Variants in IDE observed in about 807,000 individuals in gnomAD.
IDE encodes the protein insulin-degrading enzyme.
Under a neutral mutation model 133.2 loss-of-function variants are expected in IDE, and 58 were observed. The ratio of observed to expected loss-of-function variants is 0.44; its 90% CI spans 0.35 to 0.54. The LOEUF (loss-of-function observed/expected upper bound fraction) is 0.54, where lower values mean the gene tolerates loss of function less well. Among genes scored for constraint, IDE ranks in the 20% least tolerant of loss-of-function variants. The probability of loss-of-function intolerance (pLI) is 0.00; values close to 1 mark genes in which losing one functional copy is unlikely to be tolerated. For synonymous variants in IDE, 396 were observed against 421.3 expected (o/e 0.94, Z 0.73); for missense variants, 981 against 1,234.0 (o/e 0.79, Z 3.07).
chr10:92,462,541 G>A (rs969774682), intron 21 of IDE, among the ~76,000 whole-genome samples: 5 of 151,992 alleles, frequency 3.3e-5, no homozygotes, highest in Non-Finnish European at 7.4e-5. Flanking sequence ...GGGAGGTGGA[G>A]GTTGCGGTGA....
At position 92,474,854 on chromosome 10, in the gene IDE, T is replaced by A; in HGVS notation, c.2103A>T (p.Lys701Asn). Residue 701 changes from lysine (K) to asparagine (N), a missense_variant, in exon 17 of 25, where the codon AAA becomes AAT. Lys to Asn is a moderately conservative substitution (Grantham distance 94). This residue lies in a region of IDE where 660 missense variants were observed against 894.7 expected (regional missense o/e 0.74). Transcript: ENST00000265986. The part of the protein sequence containing the change: ...TEVAWTKDEL[K>N]EALDDVTLPR... ...AGAAAGTCTCACCATCCAGAGCTTC[T>A]TTTAACTCATCTTTAGTCCAGGCCA... 4 of 1,612,436 alleles carry A rather than the reference T, an allele frequency of 2.5e-6. No homozygotes were observed. The South Asian group carries it at 3.3e-5, about 13-fold the overall frequency.
intron 1 of IDE, among the ~76,000 whole-genome samples, chr10:92,550,036 C>T (rs78425284): frequency 6.6e-5 from 10 of 152,174 alleles, no homozygotes; most frequent in South Asian, 2.1e-4. Context: ...GGCATGGTGG[C>T]GCATACCTGC....
chr10:92,573,307 C>T (rs1589569365), intron 1 of IDE: 1 of 385,080 alleles, frequency 2.6e-6, no homozygotes, highest in Non-Finnish European at 3.6e-6. Context: ...CGACGTAAAA[C>T]AAGGGAGCTG....
intron 11 of IDE, among the ~76,000 whole-genome samples, chr10:92,498,682 G>A (rs1405175562): frequency 3.3e-5 from 5 of 152,308 alleles, no homozygotes; most frequent in African/African-American, 4.8e-5. Context: ...GTCTGAACCC[G>A]GGAGGCGGAG....
chr10:92,544,635 T>C (rs1371476309), intron 1 of IDE, among the ~76,000 whole-genome samples: 2 of 152,188 alleles, frequency 1.3e-5, no homozygotes, highest in African/African-American at 4.8e-5. Flanking sequence ...CCTAGCCCCA[T>C]TCTTCTTCCC....
intron 21 of IDE, among the ~76,000 whole-genome samples, chr10:92,462,830 C>G (rs1445365845): frequency 2.6e-5 from 4 of 152,198 alleles, no homozygotes; most frequent in Non-Finnish European, 5.9e-5. Context: ...GACAATAACA[C>G]TGCTAGGTAC....
intron 1 of IDE, among the ~76,000 whole-genome samples, chr10:92,542,523 C>T (rs1015373032): frequency 1.3e-5 from 2 of 152,130 alleles, no homozygotes; most frequent in Non-Finnish European, 1.5e-5. Flanking sequence ...AACTCCTGGG[C>T]GCAAGAGACT....
intron 1 of IDE, among the ~76,000 whole-genome samples, chr10:92,556,723 A>G (rs1311218402): frequency 6.6e-6 from 1 of 152,074 alleles, no homozygotes; most frequent in Non-Finnish European, 1.5e-5. Context: ...GCGCCACTGC[A>G]CTCCAGCCTG....
At chr10:92,486,621 T>G (rs1847015318) in intron 13 of IDE, among the ~76,000 whole-genome samples, 1 of 152,170 alleles carries the variant, frequency 6.6e-6, no homozygotes, top group Non-Finnish European at 1.5e-5. Context: ...AATAATTTGA[T>G]ACAATTTTTT....
intron 1 of IDE, among the ~76,000 whole-genome samples, chr10:92,552,465 T>A (rs1025889454): frequency 6.6e-6 from 1 of 152,156 alleles, no homozygotes; most frequent in Non-Finnish European, 1.5e-5. Context: ...AAAACGTGTA[T>A]ATGTGGCTGT....
intron 5 of IDE, among the ~76,000 whole-genome samples, chr10:92,514,635 T>G (rs1023984121): frequency 1.3e-5 from 2 of 152,186 alleles, no homozygotes; most frequent in Non-Finnish European, 2.9e-5. Flanking sequence ...AGACAGGATC[T>G]TACTATGTTG....
chr10:92,510,226 T>TA, intron 5 of IDE, 64 bp from the exon 6 acceptor site: 1 of 820,504 alleles, frequency 1.2e-6, no homozygotes. Context: ...AGGGAGTGCT[T>TA]AAAATCTTAG....
intron 12 of IDE, among the ~76,000 whole-genome samples, chr10:92,490,237 A>G (rs1847264740): frequency 6.6e-6 from 1 of 152,152 alleles, no homozygotes; most frequent in South Asian, 2.1e-4. Flanking sequence ...TGTACTCTGC[A>G]CTTTAGTTAC....
At chr10:92,487,365 G>C in intron 12 of IDE, 47 bp from the exon 13 acceptor site, 2 of 1,551,672 alleles carry the variant, frequency 1.3e-6, no homozygotes. Context: ...TCTGATTTAA[G>C]AGTTTAAAAT....
intron 4 of IDE, among the ~76,000 whole-genome samples, chr10:92,529,373 A>AT (rs1244830395): frequency 6.6e-6 from 1 of 152,216 alleles, no homozygotes; most frequent in Non-Finnish European, 1.5e-5. Flanking sequence ...GTAACTTGAC[A>AT]TTTGCATTAC....
chr10:92,527,912 G>A (rs1281766364), intron 4 of IDE, among the ~76,000 whole-genome samples: 5 of 152,136 alleles, frequency 3.3e-5, no homozygotes, highest in Non-Finnish European at 7.4e-5. Flanking sequence ...ACTACTTGGG[G>A]AGCTGAGACA....
Position 92,454,375 on chromosome 10 carries a change from G to C in IDE, c.*69C>G, listed in dbSNP as rs530042114. 1.9e-6 allele frequency: 2 copies of C among 1,063,026 alleles called. No homozygotes were observed. The highest frequency in any genetic ancestry group is 2.9e-6 in the Non-Finnish European group (2 of 680,338). 65.8% of individuals were successfully genotyped at this position (1,063,026 alleles called of 1,614,324 possible). On this transcript the variant is annotated 3_prime_UTR_variant, in exon 25 of 25. Coordinates refer to ENST00000265986, the MANE Select transcript of IDE (RefSeq NM_004969.4). The stretch of plus-strand genomic sequence containing the variant: ...AATCAGAAACTATTAAAGTGGCCAA[G>C]ATGATTTTCTTAGGCTCTGGAAGAC...
At chr10:92,520,054 G>A (rs1002297874) in intron 4 of IDE, among the ~76,000 whole-genome samples, 8 of 152,072 alleles carry the variant, frequency 5.3e-5, no homozygotes, top group South Asian at 2.1e-4. Flanking sequence ...GCAGTAAGCC[G>A]AAATCAAGCC....
chr10:92,495,216 CTTTT>C (rs71028822), intron 11 of IDE, among the ~76,000 whole-genome samples: 3 of 73,438 alleles, frequency 4.1e-5, no homozygotes, highest in East Asian at 3.5e-4. Context: ...TCACACTCGG[CTTTT>C]TTTTTTTTTT....
Sources: allele counts gnomAD v4.1 joint callset (sites outside exome capture counted in the v4.1 genomes callset), GRCh38; gene constraint gnomAD v4.1.1; regional missense constraint gnomAD v4.1.1; transcripts MANE v1.5; gene names NCBI Gene and HGNC (gene_info 2026-07-23, HGNC 2026-07-21).